Variants in CABLES1 observed in about 807,000 individuals in gnomAD.
The protein encoded by CABLES1 is Cdk5 and Abl enzyme substrate 1.
CABLES1 carries 36 observed loss-of-function variants against 57.8 expected under a neutral mutation model. The observed-to-expected ratio is 0.62, with a 90% CI of 0.48 to 0.82. The LOEUF is 0.82. CABLES1 is among the 40% of genes least tolerant of loss of function. The pLI is 0.00. For missense variants in CABLES1, 767 were observed against 836.6 expected (o/e 0.92, Z 1.03); for synonymous variants, 374 against 363.0 (o/e 1.03, Z -0.35).
chr18:23,226,420 T>G (rs1402422502), intron 4 of CABLES1, among the ~76,000 whole-genome samples: 2 of 148,864 alleles, frequency 1.3e-5, no homozygotes, highest in East Asian at 3.9e-4. Flanking sequence ...AAAAAAAAAG[T>G]TCCTGAGGGT....
intron 4 of CABLES1, among the ~76,000 whole-genome samples, chr18:23,232,164 T>C (rs1353012441): frequency 2.0e-5 from 3 of 152,224 alleles, no homozygotes; most frequent in Non-Finnish European, 4.4e-5. Flanking sequence ...TATGGGCTTA[T>C]TGGAATTCTC....
At chr18:23,144,826 C>T (rs1409294671) in intron 1 of CABLES1, among the ~76,000 whole-genome samples, 1 of 152,146 alleles carries the variant, frequency 6.6e-6, no homozygotes, top group African/African-American at 2.4e-5. Context: ...ATATTTACAC[C>T]ACAGGAATCG....
chr18:23,150,399 G>A (rs942478133), intron 1 of CABLES1, among the ~76,000 whole-genome samples: 1 of 152,100 alleles, frequency 6.6e-6, no homozygotes, highest in Middle Eastern at 3.4e-3. Flanking sequence ...TGTGTATTTA[G>A]TAGAGATGGG....
intron 1 of CABLES1, among the ~76,000 whole-genome samples, chr18:23,170,263 A>G (rs1481044525): frequency 6.6e-6 from 1 of 152,166 alleles, no homozygotes; most frequent in Non-Finnish European, 1.5e-5. Flanking sequence ...CATGGCGCAA[A>G]TTGTTCCCAA....
rs1457036159 is a variant in CABLES1, at chr18:23,161,968, C to A, written c.845+25361C>A. ...ATCACCTGAGGTCAAGAGTTTGAGACCAGCCTGACCAACATGGCGAAGCCC... is the reference window on the plus strand; with the variant it reads ...ATCACCTGAGGTCAAGAGTTTGAGAACAGCCTGACCAACATGGCGAAGCCC... On this transcript the variant is annotated intron_variant, in intron 1 of 9. Transcript: ENST00000256925. Among the ~76,000 whole-genome samples the A allele has an allele frequency of 4.0e-5, 6 of 151,432 alleles. No homozygotes were observed. In the East Asian group the frequency reaches 7.8e-4, roughly 20 times the overall value.
At chr18:23,233,401 C>A (rs148545778) in intron 4 of CABLES1, among the ~76,000 whole-genome samples, 1,886 of 152,310 alleles carry the variant, frequency 0.012, 13 homozygotes, top group African/African-American at 0.024. Flanking sequence ...ATGAACTCTC[C>A]AACCTACCGT....
chr18:23,223,131 G>A (rs2047501688), intron 4 of CABLES1, among the ~76,000 whole-genome samples: 1 of 152,306 alleles, frequency 6.6e-6, no homozygotes, highest in South Asian at 2.1e-4. Flanking sequence ...AGCCCTGTTG[G>A]AATTCCCTGG....
At chr18:23,178,213 AT>A (rs566181770) in intron 1 of CABLES1, among the ~76,000 whole-genome samples, 1,995 of 145,118 alleles carry the variant, frequency 0.014, 26 homozygotes, top group Middle Eastern at 0.029. Flanking sequence ...TCGGATCCTG[AT>A]TTTTTTTTTT....
intron 4 of CABLES1, among the ~76,000 whole-genome samples, chr18:23,226,470 C>G (rs546995174): frequency 6.6e-6 from 1 of 151,930 alleles, no homozygotes; most frequent in East Asian, 1.9e-4. Flanking sequence ...GACTCAACTT[C>G]CTCCTATTTT....
intron 7 of CABLES1, among the ~76,000 whole-genome samples, chr18:23,242,039 G>C (rs2047748650): frequency 6.6e-6 from 1 of 152,192 alleles, no homozygotes; most frequent in African/African-American, 2.4e-5. Context: ...ACTTTGGAAG[G>C]CCGAGGCGGG....
intron 1 of CABLES1, among the ~76,000 whole-genome samples, chr18:23,174,479 CTT>C (rs979810121): frequency 1.3e-5 from 2 of 148,228 alleles, no homozygotes; most frequent in South Asian, 4.3e-4. Flanking sequence ...GTGTTTAAAA[CTT>C]TTTTTTTTGA....
intron 3 of CABLES1, among the ~76,000 whole-genome samples, chr18:23,207,319 G>A (rs755656806): frequency 9.9e-5 from 15 of 152,200 alleles, no homozygotes; most frequent in Middle Eastern, 3.2e-3. Context: ...AGTCAGGCAC[G>A]TGGAGGTCCG....
chr18:23,217,959 A>T (rs2047454503), intron 4 of CABLES1, among the ~76,000 whole-genome samples: 1 of 152,216 alleles, frequency 6.6e-6, no homozygotes, highest in African/African-American at 2.4e-5. Flanking sequence ...GGGCTGCCCC[A>T]GCCTGCCGGG....
chr18:23,151,912 A>G (rs1376174063), intron 1 of CABLES1, among the ~76,000 whole-genome samples: 1 of 152,206 alleles, frequency 6.6e-6, no homozygotes, highest in Non-Finnish European at 1.5e-5. Context: ...CTTGCACCAC[A>G]GTGGTAGCGA....
intron 1 of CABLES1, among the ~76,000 whole-genome samples, chr18:23,179,266 A>G (rs2047146911): frequency 6.6e-6 from 1 of 152,150 alleles, no homozygotes; most frequent in Admixed American, 6.5e-5. Flanking sequence ...ACCCTGGGAG[A>G]CAGAGACTCC....
chr18:23,149,308 G>A (rs1263982690), intron 1 of CABLES1, among the ~76,000 whole-genome samples: 1 of 151,670 alleles, frequency 6.6e-6, no homozygotes, highest in Admixed American at 6.6e-5. Context: ...TTTTGAGATG[G>A]AGTCTCGCTG....
chr18:23,221,106 C>T (rs1430869665), intron 4 of CABLES1, among the ~76,000 whole-genome samples: 1 of 152,174 alleles, frequency 6.6e-6, no homozygotes, highest in Non-Finnish European at 1.5e-5. Context: ...TTCTCATGTC[C>T]TGATACCATA....
At position 23,259,628 on chromosome 18, in the gene CABLES1, T is replaced by C. The variant is rs539534848; in HGVS notation, c.*2261T>C. 1.1e-3 allele frequency: 165 copies of C among 152,396 alleles called. No individual in the cohort carries two copies. Among genetic ancestry groups the C allele is most frequent in the South Asian group, 2.9e-3 (14 of 4,834 alleles). 9.4% of individuals were successfully genotyped at this position (152,396 alleles called of 1,614,324 possible). ...GGCATTTTATCAGGAGGTCTCCTTT[T>C]GCACGTCCATGACATGAGCTTTTCG... On this transcript the variant is annotated 3_prime_UTR_variant, in exon 10 of 10. Transcript: ENST00000256925.
chr18:23,255,873 A>G (rs149785677), intron 9 of CABLES1, among the ~76,000 whole-genome samples: 2,609 of 152,150 alleles, frequency 0.017, 297 homozygotes, highest in Admixed American at 0.16. Flanking sequence ...GAATTAATGA[A>G]TCTTTTGATG....
Sources: allele counts gnomAD v4.1 joint callset (sites outside exome capture counted in the v4.1 genomes callset), GRCh38; gene constraint gnomAD v4.1.1; transcripts MANE v1.5; gene names NCBI Gene and HGNC (gene_info 2026-07-23, HGNC 2026-07-21).